Variants in CUL3 observed in about 807,000 individuals in gnomAD.
CUL3 encodes cullin-3.
In CUL3, 19 loss-of-function variants were observed where a neutral mutation model predicts 89.1. The observed-to-expected ratio is 0.21, with a 90% CI of 0.15 to 0.31. The LOEUF (loss-of-function observed/expected upper bound fraction) is 0.31. Among genes scored for constraint, CUL3 ranks in the 10% least tolerant of loss-of-function variants. The pLI is 1.00. For synonymous variants in CUL3, 351 were observed against 308.4 expected, an observed-to-expected ratio of 1.14 and a Z score of -1.45; for missense variants, 469 against 942.3, an observed-to-expected ratio of 0.50 and a Z score of 6.58.
intron 1 of CUL3, among the ~76,000 whole-genome samples, chr2:224,584,609 G>A (rs1025730630): frequency 7.9e-5 from 12 of 152,010 alleles, no homozygotes; most frequent in African/African-American, 2.9e-4. Flanking sequence ...AGCAGCGCCG[G>A]AGACTGGGCC....
chr2:224,539,309 T>A (rs1010475127), intron 2 of CUL3, among the ~76,000 whole-genome samples: 2 of 152,180 alleles, frequency 1.3e-5, no homozygotes, highest in Admixed American at 1.3e-4. Flanking sequence ...TACCAAATGC[T>A]AGCAAGGACG....
intron 8 of CUL3, 196 bp from the exon 9 acceptor site, chr2:224,504,018 C>CA: frequency 2.2e-6 from 1 of 451,266 alleles, no homozygotes; most frequent in East Asian, 3.5e-5. Flanking sequence ...TCATTTAGTG[C>CA]ATCATGAATG....
intron 8 of CUL3, chr2:224,504,355 A>T (rs1692508409): frequency 6.6e-6 from 1 of 152,056 alleles, no homozygotes; most frequent in Non-Finnish European, 1.5e-5. Flanking sequence ...CTCGTTGCCC[A>T]GGCTGGAGCG....
chr2:224,486,947 G>T lies in CUL3; in HGVS notation c.1843-4869C>A, dbSNP rs893149766. Among the ~76,000 whole-genome samples, 9 of 151,404 alleles carry T rather than the reference G, an allele frequency of 5.9e-5. No individual in the cohort carries two copies. In the South Asian group the frequency reaches 8.4e-4, roughly 14 times the overall value. On this transcript the variant is annotated intron_variant, in intron 13 of 15. Coordinates refer to ENST00000264414, the MANE Select transcript of CUL3 (RefSeq NM_003590.5). ...GAAACCCTACAAGCCAGAAGAGAGT[G>T]GGGGGGGCCAATATTCAACAATCTT... is the stretch of plus-strand genomic sequence containing the variant.
At position 224,474,157 on chromosome 2, in the gene CUL3, G is replaced by T. The variant is rs182225110; in HGVS notation, c.*88C>A. ...TGTACTGTAATTTAATAGAAGAGAT[G>T]GTCGTCTTAATATTTAATGATTTAA... On this transcript the variant is annotated 3_prime_UTR_variant, in exon 16 of 16. Transcript: ENST00000264414. 9.0e-6 allele frequency: 12 copies of T among 1,328,354 alleles called. No individual in the cohort carries two copies. The African/African-American group carries it at 1.2e-4, about 13-fold the overall frequency. The allele number at this position is 1,328,354 out of a possible 1,614,324, so 82.3% of individuals were successfully genotyped here.
intron 1 of CUL3, among the ~76,000 whole-genome samples, chr2:224,567,117 C>T (rs1695060507): frequency 6.6e-6 from 1 of 152,138 alleles, no homozygotes; most frequent in African/African-American, 2.4e-5. Flanking sequence ...TTCCACTAAA[C>T]ATAATGAAAA....
chr2:224,571,513 G>A (rs62187045), intron 1 of CUL3, among the ~76,000 whole-genome samples: 2,448 of 151,954 alleles, frequency 0.016, 33 homozygotes, highest in Non-Finnish European at 0.024. Context: ...ACAAAATACC[G>A]AACTGCCATA....
intron 1 of CUL3, 138 bp from the exon 2 acceptor site, chr2:224,557,994 C>T (rs1694777612): frequency 1.8e-6 from 1 of 543,558 alleles, no homozygotes; most frequent in South Asian, 3.1e-5. Flanking sequence ...CACATAAGAA[C>T]ATTAACAACC....
rs576442187 is a variant in CUL3 at position 224,484,888 on chromosome 2, C to CT, written c.1843-2811dup. Among the ~76,000 whole-genome samples the CT allele has an allele frequency of 4.6e-5, 7 of 152,274 alleles. 1 individual carries two copies. In the South Asian group the frequency reaches 1.5e-3, roughly 32 times the overall value. On this transcript the variant is annotated intron_variant, in intron 13 of 15. Coordinates refer to ENST00000264414, the MANE Select transcript of CUL3 (RefSeq NM_003590.5). ...CTCCGATCTGCAGCTCCCAGCGAGA[C>CT]TAATGCAGAAGGTGGGTGATTTCTG...
At chr2:224,532,428 C>T (rs979456958) in intron 3 of CUL3, among the ~76,000 whole-genome samples, 3 of 146,194 alleles carry the variant, frequency 2.1e-5, no homozygotes, top group Admixed American at 6.9e-5. Flanking sequence ...GTTAGAAGAA[C>T]GAAGGAATGA....
chr2:224,535,320 C>T (rs1024902760), intron 3 of CUL3, among the ~76,000 whole-genome samples: 2 of 152,124 alleles, frequency 1.3e-5, no homozygotes, highest in African/African-American at 2.4e-5. Context: ...ATTACAGGTG[C>T]CCACCACTGC....
intron 1 of CUL3, among the ~76,000 whole-genome samples, chr2:224,567,210 T>G (rs1251920706): frequency 6.6e-6 from 1 of 152,054 alleles, no homozygotes; most frequent in Non-Finnish European, 1.5e-5. Context: ...CACAAGGTGT[T>G]TTTCTCTTTG....
At chr2:224,521,050 A>C (rs1229696223) in intron 3 of CUL3, among the ~76,000 whole-genome samples, 1 of 152,196 alleles carries the variant, frequency 6.6e-6, no homozygotes, top group African/African-American at 2.4e-5. Flanking sequence ...AGTTAAAATA[A>C]AAACAAATGT....
At chr2:224,528,914 G>A (rs951432177) in intron 3 of CUL3, among the ~76,000 whole-genome samples, 7 of 151,942 alleles carry the variant, frequency 4.6e-5, no homozygotes, top group South Asian at 2.1e-4. Flanking sequence ...AAAATGACTG[G>A]AAATACAAAT....
At chr2:224,500,231 A>G (rs1692327749) in intron 11 of CUL3, 132 bp downstream of exon 11, 2 of 1,073,004 alleles carry the variant, frequency 1.9e-6, no homozygotes, top group Non-Finnish European at 2.7e-6. Flanking sequence ...ATGCCAGGAT[A>G]AATGCTCCTT....
At chr2:224,503,235 T>A (rs1036447552) in intron 9 of CUL3, among the ~76,000 whole-genome samples, 163 bp from the exon 10 acceptor site, 3 of 152,232 alleles carry the variant, frequency 2.0e-5, no homozygotes, top group African/African-American at 7.2e-5. Context: ...TTTAGGATTT[T>A]AAAATGCAAA....
In CUL3 at chr2:224,548,894, T is replaced by C. The variant is rs947947410; in HGVS notation, c.264+8765A>G. ...GGCACGTGCCGGTAGCCCAGCTATG[T>C]AGGAGGCTGAAGTGAGAGAATCACC... is the stretch of plus-strand genomic sequence containing the variant. On this transcript the variant is annotated intron_variant, in intron 2 of 15. Transcript: ENST00000264414. Among the ~76,000 whole-genome samples the C allele has an allele frequency of 3.3e-5, 5 of 151,828 alleles. 1 individual carries two copies. The highest frequency in any genetic ancestry group is 6.3e-3 in the Middle Eastern group (2 of 316).
chr2:224,523,128 A>G (rs1693330595), intron 3 of CUL3, among the ~76,000 whole-genome samples: 1 of 152,230 alleles, frequency 6.6e-6, no homozygotes, highest in Non-Finnish European at 1.5e-5. Flanking sequence ...GTATTAGAGA[A>G]GCAATACAAT....
intron 1 of CUL3, among the ~76,000 whole-genome samples, chr2:224,562,393 T>G (rs1449772676): frequency 6.6e-6 from 1 of 152,010 alleles, no homozygotes; most frequent in Non-Finnish European, 1.5e-5. Context: ...ATCCCACCAC[T>G]TTGGGAAGCC....
Sources: gnomAD v4.1 joint callset for allele counts (sites outside exome capture counted in the v4.1 genomes callset) on GRCh38, gnomAD v4.1.1 for gene constraint, MANE v1.5 for transcripts, NCBI Gene and HGNC (gene_info 2026-07-23, HGNC 2026-07-21) for gene names.